The following C16orf74 variants were observed in gnomAD, a reference collection of about 807,000 sequenced individuals.
The protein encoded by C16orf74 is uncharacterized protein C16orf74.
A neutral mutation model predicts 6.5 loss-of-function variants in C16orf74; 10 were observed. The ratio of observed to expected loss-of-function variants is 1.54; its 90% confidence interval spans 0.95 to 2.61. The LOEUF is 2.61. Ranked by LOEUF, C16orf74 falls within the 30% of genes most tolerant of loss-of-function variation. C16orf74 has a pLI of 0.00. For missense variants in C16orf74, 141 were observed against 105.9 expected (o/e 1.33, Z -1.45); for synonymous variants, 60 against 42.5 (o/e 1.41, Z -1.60).
intron 1 of C16orf74, among the ~76,000 whole-genome samples, chr16:85,739,522 G>C (rs1328714692): frequency 1.3e-5 from 2 of 152,216 alleles, no homozygotes; most frequent in African/African-American, 4.8e-5. Context: ...CACCATGAGA[G>C]CAGCGGGATG....
chr16:85,739,669 G>T (rs992878497), intron 1 of C16orf74, among the ~76,000 whole-genome samples: 1 of 152,016 alleles, frequency 6.6e-6, no homozygotes, highest in Admixed American at 6.6e-5. Flanking sequence ...TCATGGTGGT[G>T]CATGCCTGTA....
intron 1 of C16orf74, among the ~76,000 whole-genome samples, chr16:85,739,262 C>T (rs867275984): frequency 2.0e-5 from 3 of 152,172 alleles, no homozygotes; most frequent in African/African-American, 7.2e-5. Flanking sequence ...GTAAGCCAGA[C>T]TCGACATCCC....
At chr16:85,726,154 C>T (rs1460033787) in intron 2 of C16orf74, among the ~76,000 whole-genome samples, 2 of 152,114 alleles carry the variant, frequency 1.3e-5, no homozygotes, top group East Asian at 3.9e-4. Context: ...GACTGCACCT[C>T]CTTGCTCAAT....
At chr16:85,729,239 G>C (rs2054164200) in intron 2 of C16orf74, among the ~76,000 whole-genome samples, 1 of 152,230 alleles carries the variant, frequency 6.6e-6, no homozygotes, top group East Asian at 1.9e-4. Context: ...CAGCAGTGAT[G>C]AGGGTGCCAT....
chr16:85,744,623 G>T (rs560641438), intron 1 of C16orf74, among the ~76,000 whole-genome samples: 19 of 152,118 alleles, frequency 1.2e-4, no homozygotes, highest in African/African-American at 4.6e-4. Context: ...GAGGTCAGGA[G>T]ATCGAGACCA....
chr16:85,739,968 G>C (rs1235388536), intron 1 of C16orf74, among the ~76,000 whole-genome samples: 2 of 151,872 alleles, frequency 1.3e-5, no homozygotes, highest in Non-Finnish European at 2.9e-5. Context: ...CCAGCACTTA[G>C]GGAGGCCGAG....
chr16:85,718,470 G>A (rs1378717693), intron 2 of C16orf74, among the ~76,000 whole-genome samples: 1 of 152,206 alleles, frequency 6.6e-6, no homozygotes, highest in African/African-American at 2.4e-5. Context: ...CACACACACA[G>A]GGCTCCAGCC....
intron 1 of C16orf74, among the ~76,000 whole-genome samples, chr16:85,740,996 G>A (rs761959191): frequency 1.6e-4 from 25 of 152,118 alleles, no homozygotes; most frequent in Non-Finnish European, 2.8e-4. Flanking sequence ...CATTTCTGGC[G>A]AAGGATATTT....
rs2054084465 is a variant in C16orf74 at position 85,721,689 on chromosome 16, G to A, written c.29-11382C>T. On this transcript the variant is annotated intron_variant, in intron 2 of 3. Coordinates refer to ENST00000284245, the MANE Select transcript of C16orf74 (RefSeq NM_206967.3). ...TCACCCACGGTCTTCAAAGACAGGG[G>A]TAATTGTCATTCACTGCAACAATAA... Among the ~76,000 whole-genome samples the A allele has an allele frequency of 2.0e-5, 3 of 152,210 alleles. No homozygotes were observed. The South Asian group carries it at 6.2e-4, about 31-fold the overall frequency.
intron 2 of C16orf74, among the ~76,000 whole-genome samples, chr16:85,711,354 C>T (rs1005035560): frequency 1.4e-5 from 2 of 148,034 alleles, no homozygotes; most frequent in Non-Finnish European, 3.0e-5. Flanking sequence ...GTGGCTCATA[C>T]CTGTAATCCC....
chr16:85,750,265 G>A (rs903534071), intron 1 of C16orf74, among the ~76,000 whole-genome samples: 3 of 152,214 alleles, frequency 2.0e-5, no homozygotes, highest in Non-Finnish European at 4.4e-5. Flanking sequence ...CCCGCAGCCG[G>A]AGGCGGTCTG....
chr16:85,722,608 C>A (rs2054093976), intron 2 of C16orf74, among the ~76,000 whole-genome samples: 3 of 151,800 alleles, frequency 2.0e-5, no homozygotes, highest in African/African-American at 7.3e-5. Flanking sequence ...CCCAGGACTG[C>A]CTTGCTCTGC....
At chr16:85,714,412 ATTTAT>A (rs2054000627) in intron 2 of C16orf74, among the ~76,000 whole-genome samples, 1 of 146,806 alleles carries the variant, frequency 6.8e-6, no homozygotes, top group African/African-American at 2.5e-5. Flanking sequence ...TTATTTATTT[ATTTAT>A]TTATTTATTT....
At chr16:85,727,363 G>A (rs1286871997) in intron 2 of C16orf74, among the ~76,000 whole-genome samples, 1 of 152,346 alleles carries the variant, frequency 6.6e-6, no homozygotes, top group East Asian at 1.9e-4. Flanking sequence ...TCACAGCCAT[G>A]CCTGGCAGCC....
chr16:85,737,089 T>C (rs1027108979), intron 1 of C16orf74, among the ~76,000 whole-genome samples: 15 of 151,962 alleles, frequency 9.9e-5, no homozygotes, highest in East Asian at 3.9e-4. Flanking sequence ...AACAGTCTCA[T>C]TGAGCAGCAG....
chr16:85,711,095 C>G (rs573899362), intron 2 of C16orf74, among the ~76,000 whole-genome samples: 11 of 152,078 alleles, frequency 7.2e-5, no homozygotes, highest in Non-Finnish European at 2.9e-5. Context: ...GGGCAGATCA[C>G]TTGAGGTCAG....
chr16:85,734,529 T>A (rs961070333), intron 2 of C16orf74, among the ~76,000 whole-genome samples: 2 of 152,104 alleles, frequency 1.3e-5, no homozygotes, highest in African/African-American at 4.8e-5. Context: ...CCAGAGGCGG[T>A]CTCAGGCAGC....
intron 2 of C16orf74, among the ~76,000 whole-genome samples, chr16:85,726,792 C>G (rs990320127): frequency 5.9e-5 from 9 of 152,196 alleles, no homozygotes; most frequent in Non-Finnish European, 1.5e-5. Context: ...CTGGCTCCAC[C>G]TGGCTGCTAC....
intron 2 of C16orf74, among the ~76,000 whole-genome samples, chr16:85,729,720 G>T (rs1229906520): frequency 6.6e-6 from 1 of 152,224 alleles, no homozygotes; most frequent in Non-Finnish European, 1.5e-5. Context: ...ACAAGAGGAG[G>T]AGAGGGAGGT....
Sources: gnomAD v4.1 joint callset for allele counts (sites outside exome capture counted in the v4.1 genomes callset) on GRCh38, gnomAD v4.1.1 for gene constraint, MANE v1.5 for transcripts, NCBI Gene and HGNC (gene_info 2026-07-23, HGNC 2026-07-21) for gene names.